The following CEP112 variants were observed in gnomAD, a reference collection of about 807,000 sequenced individuals.
CEP112 encodes the protein centrosomal protein of 112 kDa.
Under a neutral mutation model 153.0 loss-of-function variants are expected in CEP112, and 127 were observed. That is an observed-to-expected ratio of 0.83 (90% confidence interval 0.72 to 0.96). CEP112 has a LOEUF of 0.96. Among genes scored for constraint, CEP112 ranks in the 40% least tolerant of loss-of-function variants. CEP112 has a pLI of 0.00. For missense variants in CEP112, 1,089 were observed against 1,101.2 expected, an observed-to-expected ratio of 0.99 and a Z score of 0.16; for synonymous variants, 358 against 374.4, an observed-to-expected ratio of 0.96 and a Z score of 0.51.
intron 20 of CEP112, among the ~76,000 whole-genome samples, chr17:65,896,200 T>C (rs1227778765): frequency 6.6e-6 from 1 of 152,112 alleles, no homozygotes; most frequent in African/African-American, 2.4e-5. Flanking sequence ...TTTAAAAATA[T>C]GCACAGGACT....
chr17:65,970,125 T>C (rs1264275229), intron 17 of CEP112, among the ~76,000 whole-genome samples: 2 of 152,232 alleles, frequency 1.3e-5, no homozygotes, highest in South Asian at 2.1e-4. Flanking sequence ...ATATCGCATG[T>C]ATATTGCATT....
intron 6 of CEP112, among the ~76,000 whole-genome samples, chr17:66,116,755 C>T (rs1174764904): frequency 2.0e-5 from 3 of 151,970 alleles, no homozygotes; most frequent in Non-Finnish European, 4.4e-5. Flanking sequence ...ATCCATATCC[C>T]ATTCTTTTAG....
chr17:66,184,304 C>A (rs1340888521), intron 1 of CEP112, among the ~76,000 whole-genome samples: 2 of 152,020 alleles, frequency 1.3e-5, no homozygotes, highest in Admixed American at 1.3e-4. Context: ...CAAAAAAAAA[C>A]TGTCCTGCAA....
At chr17:65,708,999 G>A (rs148035390) in intron 23 of CEP112, among the ~76,000 whole-genome samples, 206 of 152,138 alleles carry the variant, frequency 1.4e-3, no homozygotes, top group Middle Eastern at 3.4e-3. Context: ...ATCCCTCAAC[G>A]TCTGTTTTAT....
At chr17:65,705,033 A>G (rs2048846770) in intron 23 of CEP112, among the ~76,000 whole-genome samples, 1 of 152,230 alleles carries the variant, frequency 6.6e-6, no homozygotes, top group South Asian at 2.1e-4. Flanking sequence ...TTTTAGAGTC[A>G]GCCTTTCAGT....
intron 17 of CEP112, among the ~76,000 whole-genome samples, chr17:65,993,982 G>A (rs910415585): frequency 6.7e-6 from 1 of 148,830 alleles, no homozygotes; most frequent in Non-Finnish European, 1.5e-5. Flanking sequence ...CCATGAGACT[G>A]CAGGATAAGT....
intron 18 of CEP112, among the ~76,000 whole-genome samples, chr17:65,945,792 G>T (rs1421524169): frequency 6.6e-6 from 1 of 152,046 alleles, no homozygotes; most frequent in African/African-American, 2.4e-5. Flanking sequence ...GATTACAGGT[G>T]CCTGCCATCA....
At chr17:65,863,453 A>C (rs916675480) in intron 20 of CEP112, among the ~76,000 whole-genome samples, 1 of 152,210 alleles carries the variant, frequency 6.6e-6, no homozygotes, top group Admixed American at 6.5e-5. Context: ...CGACGGGTTC[A>C]GGCCATAGGC....
intron 20 of CEP112, among the ~76,000 whole-genome samples, chr17:65,886,131 C>T (rs2059267440): frequency 1.3e-5 from 2 of 152,112 alleles, no homozygotes; most frequent in South Asian, 4.1e-4. Context: ...TTATTCAAAC[C>T]GCAGCTGGGT....
rs1163670548 is a variant in CEP112 at position 66,094,272 on chromosome 17, C to T, written c.768+1979G>A. 2.0e-5 allele frequency among the ~76,000 whole-genome samples: 3 copies of T among 152,106 alleles called. No individual in the cohort carries two copies. In the East Asian group the frequency reaches 5.8e-4, roughly 30 times the overall value. ...ATGGGGTTTCACCATGTTGGCCAGG[C>T]TGGTCTCAAACTCCTAATCTCAAGT... On this transcript the variant is annotated intron_variant, in intron 8 of 26. Transcript: ENST00000535342.
intron 24 of CEP112, among the ~76,000 whole-genome samples, chr17:65,674,395 G>T (rs2047125905): frequency 6.6e-6 from 1 of 152,206 alleles, no homozygotes; most frequent in Non-Finnish European, 1.5e-5. Context: ...TGTAAAGCTG[G>T]CATGTGGGGA....
At chr17:65,655,158 G>T (rs917575356) in intron 24 of CEP112, 1 of 752,446 alleles carries the variant, frequency 1.3e-6, no homozygotes, top group Non-Finnish European at 2.5e-6. Context: ...AATTAAAAGT[G>T]TATGTAGGCA....
chr17:65,675,083 G>A (rs1040527525), intron 24 of CEP112, among the ~76,000 whole-genome samples: 1 of 152,160 alleles, frequency 6.6e-6, no homozygotes, highest in Non-Finnish European at 1.5e-5. Flanking sequence ...CAGCTAAGGA[G>A]AGAATTAGTG....
chr17:65,757,722 T>C (rs371918158), intron 21 of CEP112, among the ~76,000 whole-genome samples: 169 of 152,354 alleles, frequency 1.1e-3, no homozygotes, highest in African/African-American at 3.8e-3. Flanking sequence ...CCTGAATTCC[T>C]GAACCCCTCT....
chr17:65,661,326 TTGACAC>T (rs2046375281), intron 24 of CEP112, among the ~76,000 whole-genome samples: 1 of 152,220 alleles, frequency 6.6e-6, no homozygotes, highest in South Asian at 2.1e-4. Flanking sequence ...CAGTTACTGA[TTGACAC>T]TTAAGGGGTG....
chr17:66,187,080 T>C (rs141236049), intron 1 of CEP112, among the ~76,000 whole-genome samples: 81 of 152,288 alleles, frequency 5.3e-4, no homozygotes, highest in African/African-American at 1.4e-3. Flanking sequence ...AGCTGAGAAA[T>C]ATCTCAAAAT....
At chr17:65,873,833 G>T (rs975202451) in intron 20 of CEP112, among the ~76,000 whole-genome samples, 3 of 152,076 alleles carry the variant, frequency 2.0e-5, no homozygotes, top group Non-Finnish European at 4.4e-5. Flanking sequence ...TTTTTGTTTG[G>T]TTTTTGTTCT....
At chr17:65,663,019 T>C (rs2143879052) in intron 24 of CEP112, among the ~76,000 whole-genome samples, 1 of 152,328 alleles carries the variant, frequency 6.6e-6, no homozygotes, top group South Asian at 2.1e-4. Context: ...TGAACACGTA[T>C]TTAAAACTGA....
intron 21 of CEP112, among the ~76,000 whole-genome samples, chr17:65,829,894 G>C (rs533099731): frequency 6.6e-6 from 1 of 152,174 alleles, no homozygotes; most frequent in South Asian, 2.1e-4. Context: ...GTAAAAGTGA[G>C]AATGTTTTGG....
Sources: gnomAD v4.1 joint callset for allele counts (sites outside exome capture counted in the v4.1 genomes callset) on GRCh38, gnomAD v4.1.1 for gene constraint, MANE v1.5 for transcripts, NCBI Gene and HGNC (gene_info 2026-07-23, HGNC 2026-07-21) for gene names.